Variants in CPNE8 observed in about 807,000 individuals in gnomAD.
CPNE8 encodes copine-8.
CPNE8 carries 45 observed loss-of-function variants against 81.5 expected under a neutral mutation model. The observed-to-expected ratio is 0.55, with a 90% CI of 0.44 to 0.71. CPNE8 has a LOEUF of 0.71. CPNE8 is among the 30% of genes least tolerant of loss of function. CPNE8 has a pLI of 0.00. For synonymous variants in CPNE8, 252 were observed against 226.3 expected (o/e 1.11, Z -1.02); for missense variants, 594 against 672.1 (o/e 0.88, Z 1.28).
chr12:38,751,930 C>T (rs1381352887), intron 10 of CPNE8, among the ~76,000 whole-genome samples: 1 of 152,140 alleles, frequency 6.6e-6, no homozygotes, highest in East Asian at 1.9e-4. Flanking sequence ...TTTTCTACTG[C>T]TACGCTGCTC....
chr12:38,809,115 C>G (rs1253054811), intron 6 of CPNE8, among the ~76,000 whole-genome samples: 1 of 152,022 alleles, frequency 6.6e-6, no homozygotes, highest in Non-Finnish European at 1.5e-5. Context: ...CTAAAATTGC[C>G]AAAATAAATT....
chr12:38,669,653 A>C (rs906933589), intron 19 of CPNE8, among the ~76,000 whole-genome samples: 1 of 152,136 alleles, frequency 6.6e-6, no homozygotes, highest in Non-Finnish European at 1.5e-5. Context: ...TCTTCTGACT[A>C]CAAGCAGCCA....
intron 19 of CPNE8, among the ~76,000 whole-genome samples, chr12:38,661,142 T>C (rs916507522): frequency 4.6e-5 from 7 of 152,260 alleles, no homozygotes; most frequent in South Asian, 2.1e-4. Flanking sequence ...CATGCTACTA[T>C]AAAGACACAT....
intron 5 of CPNE8, among the ~76,000 whole-genome samples, chr12:38,837,245 G>A (rs1301114168): frequency 6.7e-6 from 1 of 148,786 alleles, no homozygotes; most frequent in South Asian, 2.2e-4. Flanking sequence ...ACGTGACACA[G>A]AAAGTGGTTA....
intron 3 of CPNE8, among the ~76,000 whole-genome samples, chr12:38,866,825 G>A (rs1943921165): frequency 6.6e-6 from 1 of 152,032 alleles, no homozygotes; most frequent in Admixed American, 6.6e-5. Context: ...GGCTAAATTC[G>A]GGTGTCCCTA....
chr12:38,906,341 G>C, upstream of CPNE8: 1 of 985,432 alleles, frequency 1.0e-6, no homozygotes, highest in Non-Finnish European at 1.2e-6. Flanking sequence ...GCGGGGGGGC[G>C]GACTCTAAGG....
intron 8 of CPNE8, among the ~76,000 whole-genome samples, chr12:38,764,956 C>T (rs1164408392): frequency 6.6e-6 from 1 of 152,138 alleles, no homozygotes; most frequent in Non-Finnish European, 1.5e-5. Flanking sequence ...CAACTGTCTA[C>T]TGACTTTTTG....
intron 3 of CPNE8, among the ~76,000 whole-genome samples, chr12:38,859,836 G>A (rs1017702592): frequency 5.9e-5 from 9 of 152,100 alleles, no homozygotes; most frequent in Non-Finnish European, 8.8e-5. Flanking sequence ...AACAGATGGT[G>A]TAGAAAAAAT....
intron 17 of CPNE8, 63 bp from the exon 18 acceptor site, chr12:38,675,837 A>T: frequency 9.3e-7 from 1 of 1,078,676 alleles, no homozygotes; most frequent in Non-Finnish European, 1.4e-6. Context: ...AAATAATTAA[A>T]GGCCAGGCAT....
At chr12:38,749,349 C>A (rs1346518476) in intron 10 of CPNE8, among the ~76,000 whole-genome samples, 1 of 150,504 alleles carries the variant, frequency 6.6e-6, no homozygotes, top group African/African-American at 2.5e-5. Context: ...TTATCAGCAG[C>A]CTGAAAACAG....
chr12:38,675,362 G>C (rs1428614363), intron 18 of CPNE8, among the ~76,000 whole-genome samples: 1 of 152,134 alleles, frequency 6.6e-6, no homozygotes, highest in Admixed American at 6.5e-5. Context: ...AGTGAACACA[G>C]AGTGTGTTTT....
At chr12:38,716,083 G>A (rs547375919) in intron 13 of CPNE8, among the ~76,000 whole-genome samples, 1 of 151,850 alleles carries the variant, frequency 6.6e-6, no homozygotes, top group African/African-American at 2.4e-5. Flanking sequence ...CTAGGAATAT[G>A]CTTCAGCAAG....
intron 5 of CPNE8, among the ~76,000 whole-genome samples, chr12:38,833,196 T>C (rs1217995202): frequency 6.6e-6 from 1 of 151,382 alleles, no homozygotes; most frequent in African/African-American, 2.4e-5. Flanking sequence ...CTACTAAAAA[T>C]ACAAAAATTA....
At chr12:38,885,158 A>G (rs1944220440) in intron 1 of CPNE8, among the ~76,000 whole-genome samples, 1 of 152,228 alleles carries the variant, frequency 6.6e-6, no homozygotes. Context: ...TAATGAATGT[A>G]TTTTAAACTT....
chr12:38,776,606 G>A (rs1004972531), intron 6 of CPNE8, among the ~76,000 whole-genome samples: 1 of 151,798 alleles, frequency 6.6e-6, no homozygotes, highest in East Asian at 1.9e-4. Flanking sequence ...TACCACACCC[G>A]GCCCTCAATG....
chr12:38,876,552 T>C (rs928689924), intron 1 of CPNE8, among the ~76,000 whole-genome samples: 3 of 152,096 alleles, frequency 2.0e-5, no homozygotes, highest in Non-Finnish European at 4.4e-5. Flanking sequence ...CTTGTCACAT[T>C]GTTTCACTCA....
intron 19 of CPNE8, among the ~76,000 whole-genome samples, chr12:38,655,510 A>T (rs960105738): frequency 6.6e-6 from 1 of 152,218 alleles, no homozygotes; most frequent in Non-Finnish European, 1.5e-5. Context: ...ATATATAAAA[A>T]TTTGAATTAA....
At chr12:38,725,583 T>C (rs1417020357) in intron 11 of CPNE8, among the ~76,000 whole-genome samples, 2 of 152,160 alleles carry the variant, frequency 1.3e-5, no homozygotes, top group African/African-American at 4.8e-5. Flanking sequence ...ATCCAAAATA[T>C]GGAGAAAGCC....
At chr12:38,723,282 G>T (rs987958834) in intron 13 of CPNE8, among the ~76,000 whole-genome samples, 1 of 152,034 alleles carries the variant, frequency 6.6e-6, no homozygotes, top group Admixed American at 6.5e-5. Context: ...TTTCAAAATT[G>T]GTTACAACTA....
Sources: allele counts gnomAD v4.1 joint callset (sites outside exome capture counted in the v4.1 genomes callset), GRCh38; gene constraint gnomAD v4.1.1; transcripts MANE v1.5; gene names NCBI Gene and HGNC (gene_info 2026-07-23, HGNC 2026-07-21).